RBFOX2: variants seen among roughly 807,000 people sequenced by gnomAD.
RBFOX2 encodes the protein RNA binding protein fox-1 homolog 2.
A neutral mutation model predicts 49.1 loss-of-function variants in RBFOX2; 10 were observed. That is an observed-to-expected ratio of 0.20 (90% CI 0.13 to 0.35). The LOEUF is 0.35. Ranked by LOEUF, RBFOX2 falls within the 10% of genes least tolerant of loss-of-function variation. RBFOX2 has a pLI of 1.00. For missense variants in RBFOX2, 323 were observed against 486.9 expected, an observed-to-expected ratio of 0.66 and a Z score of 3.17; for synonymous variants, 183 against 187.4, an observed-to-expected ratio of 0.98 and a Z score of 0.19.
intron 1 of RBFOX2, among the ~76,000 whole-genome samples, chr22:35,879,637 G>A (rs1205094686): frequency 2.0e-5 from 3 of 152,232 alleles, no homozygotes; most frequent in African/African-American, 7.2e-5. Flanking sequence ...CAAGTACCTA[G>A]GAGCAGGCTT....
At chr22:35,885,029 G>A (rs1286359799) in intron 1 of RBFOX2, among the ~76,000 whole-genome samples, 1 of 152,018 alleles carries the variant, frequency 6.6e-6, no homozygotes, top group Non-Finnish European at 1.5e-5. Flanking sequence ...AATATTATCT[G>A]CAAACATCCA....
Position 35,749,540 on chromosome 22 carries a change from TACTCGA to T in RBFOX2, c.888-2985_888-2980del, listed in dbSNP as rs558037299. ...ACACACGCACACACACACATACACT[TACTCGA>T]AAGTATTTTTGCTGCTTTATTCAAC... On this transcript the variant is annotated intron_variant, in intron 9 of 11. Transcript: ENST00000405409. This position sits in a 1 kb window ranked among gnomAD's most constrained non-coding sequence, Gnocchi z 4.1. Among the ~76,000 whole-genome samples, 107 of 152,188 alleles carry T rather than the reference TACTCGA, an allele frequency of 7.0e-4. No individual in the cohort carries two copies. Among genetic ancestry groups the T allele is most frequent in the Non-Finnish European group, 1.3e-3 (89 of 67,974 alleles).
At chr22:35,788,266 T>C (rs1946832119) in intron 2 of RBFOX2, among the ~76,000 whole-genome samples, 2 of 152,232 alleles carry the variant, frequency 1.3e-5, no homozygotes, top group African/African-American at 2.4e-5. Flanking sequence ...AGTATAACTT[T>C]CCAAGTCTAT....
intron 1 of RBFOX2, among the ~76,000 whole-genome samples, chr22:36,001,997 GA>G (rs2058446086): frequency 6.6e-6 from 1 of 151,932 alleles, no homozygotes; most frequent in Admixed American, 6.6e-5. Flanking sequence ...CTGGGAGGCG[GA>G]GGCTGCAGTG....
intron 1 of RBFOX2, among the ~76,000 whole-genome samples, chr22:35,833,388 G>C (rs1957130386): frequency 6.6e-6 from 1 of 152,126 alleles, no homozygotes; most frequent in Non-Finnish European, 1.5e-5. Context: ...ACAGATTTCA[G>C]CTCATAAAGA....
intron 1 of RBFOX2, among the ~76,000 whole-genome samples, chr22:35,812,388 T>C (rs1469081202): frequency 1.3e-5 from 2 of 152,318 alleles, no homozygotes; most frequent in East Asian, 1.9e-4. Flanking sequence ...CTTTACGTTA[T>C]TTCTAGGTTA....
intron 1 of RBFOX2, among the ~76,000 whole-genome samples, chr22:36,023,670 A>C (rs1255878481): frequency 1.3e-5 from 2 of 152,204 alleles, no homozygotes; most frequent in African/African-American, 4.8e-5. Context: ...TGAGTACAGT[A>C]TTTCCAAGTA....
intron 1 of RBFOX2, chr22:35,999,631 G>T (rs551214417): frequency 1.3e-5 from 2 of 152,182 alleles, no homozygotes; most frequent in East Asian, 1.9e-4. Context: ...AAGAATTTTG[G>T]TTAGGAGATG....
intron 1 of RBFOX2, among the ~76,000 whole-genome samples, chr22:35,920,428 C>T (rs2050899656): frequency 6.6e-6 from 1 of 152,182 alleles, no homozygotes; most frequent in Non-Finnish European, 1.5e-5. Context: ...CCATCTAACT[C>T]ACAGATCCCA....
intron 1 of RBFOX2, among the ~76,000 whole-genome samples, chr22:35,982,036 A>T (rs2057482020): frequency 6.6e-6 from 1 of 152,208 alleles, no homozygotes; most frequent in Non-Finnish European, 1.5e-5. Flanking sequence ...CTGTACTTAC[A>T]GCCAATCATG....
At chr22:35,788,762 T>C (rs888390064) in intron 2 of RBFOX2, among the ~76,000 whole-genome samples, 8 of 152,260 alleles carry the variant, frequency 5.3e-5, no homozygotes, top group African/African-American at 1.2e-4. Flanking sequence ...TCCATAGTTA[T>C]ATGCCTCAGT....
intron 1 of RBFOX2, among the ~76,000 whole-genome samples, chr22:36,009,404 C>T (rs547912843): frequency 2.6e-5 from 4 of 152,152 alleles, no homozygotes; most frequent in African/African-American, 9.6e-5. Flanking sequence ...GACAGGGTTT[C>T]GCTCTGTTGC....
At chr22:36,027,413 T>A (rs1221843957) in intron 1 of RBFOX2, among the ~76,000 whole-genome samples, 1 of 152,194 alleles carries the variant, frequency 6.6e-6, no homozygotes, top group Non-Finnish European at 1.5e-5. Flanking sequence ...TTCAAAACTA[T>A]GAAGTCAGCT....
At chr22:35,833,954 T>C (rs1202274068) in intron 1 of RBFOX2, among the ~76,000 whole-genome samples, 2 of 152,224 alleles carry the variant, frequency 1.3e-5, no homozygotes, top group African/African-American at 4.8e-5. Flanking sequence ...TATTACATAT[T>C]ATAAGAATGA....
chr22:35,834,628 A>T (rs1436179810), intron 1 of RBFOX2, among the ~76,000 whole-genome samples: 1 of 152,228 alleles, frequency 6.6e-6, no homozygotes, highest in Non-Finnish European at 1.5e-5. Context: ...ATTCAAGAGT[A>T]GAACAAACCA....
At chr22:35,825,557 A>G (rs1473835566) in intron 1 of RBFOX2, among the ~76,000 whole-genome samples, 1 of 152,264 alleles carries the variant, frequency 6.6e-6, no homozygotes, top group African/African-American at 2.4e-5. Flanking sequence ...AACATGGGTT[A>G]AAATTTAGGC....
chr22:36,028,549 T>C (rs2059540156), exon 1 of RBFOX2: 4 of 887,310 alleles, frequency 4.5e-6, no homozygotes, highest in South Asian at 5.2e-5. Context: ...CGTGCGTGCG[T>C]GCGTGCGCGC....
chr22:35,758,466 C>T (rs1485349001), intron 9 of RBFOX2, among the ~76,000 whole-genome samples: 2 of 152,178 alleles, frequency 1.3e-5, no homozygotes, highest in Admixed American at 6.5e-5. Context: ...AGACATTTCA[C>T]AAACAATTTT....
chr22:35,858,826 C>CA (rs771614258), intron 1 of RBFOX2, among the ~76,000 whole-genome samples: 1,634 of 52,648 alleles, frequency 0.031, 23 homozygotes, highest in African/African-American at 0.061. Context: ...GACTCTGTCT[C>CA]AAAAAAAAAA....
Sources: gnomAD v4.1 joint callset for allele counts (sites outside exome capture counted in the v4.1 genomes callset) on GRCh38, gnomAD v4.1.1 for gene constraint, Gnocchi (gnomAD v3.1) non-coding constraint, MANE v1.5 for transcripts, NCBI Gene and HGNC (gene_info 2026-07-23, HGNC 2026-07-21) for gene names.